Variants in GDPD5 observed in about 807,000 individuals in gnomAD.
GDPD5 encodes the protein glycerophosphodiester phosphodiesterase domain containing 5.
In GDPD5, 48 loss-of-function variants were observed where a neutral mutation model predicts 75.1. The observed-to-expected ratio is 0.64, with a 90% CI of 0.51 to 0.81. GDPD5 has a LOEUF of 0.81. GDPD5 is among the 40% of genes least tolerant of loss of function. The probability of loss-of-function intolerance (pLI) is 0.00; values close to 1 mark genes in which losing one functional copy is unlikely to be tolerated. For missense variants in GDPD5, 706 were observed against 822.6 expected (o/e 0.86, Z 1.73); for synonymous variants, 336 against 339.0 (o/e 0.99, Z 0.10).
chr11:75,449,098 G>T lies in GDPD5; in HGVS notation c.593C>A (p.Thr198Asn), dbSNP rs1352454129. 1 of 1,599,504 alleles carries T rather than the reference G, an allele frequency of 6.3e-7. No individual in the cohort carries two copies. Among genetic ancestry groups the T allele is most frequent in the Non-Finnish European group, 8.5e-7 (1 of 1,173,294 alleles). ...RTSSQVTILC[T>N]FFTVVFALYL... ...GAGGGCAAACACCACGGTGAAGAAG[G>T]TACAGAGAATGGTCACCTGGGAGGC... The change falls in exon 9 of 17, where the codon ACC becomes AAC. Residue 198 changes from threonine (T) to asparagine (N), a missense_variant. Transcript: ENST00000336898.
chr11:75,441,587 A>C (rs903330202), intron 13 of GDPD5, 59 bp downstream of exon 13: 76 of 1,447,168 alleles, frequency 5.3e-5, no homozygotes, highest in Non-Finnish European at 6.8e-5. Context: ...TGGTGGTGGC[A>C]GGACTGGGAG....
rs144690546 is a variant in GDPD5 at position 75,464,642 on chromosome 11, T to C, written c.118-1753A>G. On this transcript the variant is annotated intron_variant, in intron 3 of 16. Transcript: ENST00000336898. ...GCCTCACTTCGTACATAAACAGAGA[T>C]GCAAAGGTGACGACACCCTGAGGCC... 2.0e-5 allele frequency among the ~76,000 whole-genome samples: 3 copies of C among 152,252 alleles called. No homozygotes were observed. In the East Asian group the frequency reaches 5.8e-4, roughly 29 times the overall value.
At position 75,435,113 on chromosome 11, in the gene GDPD5, C is replaced by T. The variant is rs191032786; in HGVS notation, c.*394G>A. 3.7e-5 allele frequency: 6 copies of T among 161,994 alleles called. No individual in the cohort carries two copies. Among genetic ancestry groups the T allele is most frequent in the Admixed American group, 3.2e-4 (5 of 15,602 alleles). 10.0% of individuals were successfully genotyped at this position (161,994 alleles called of 1,614,324 possible). ...AGGATAACAGCAGAGAACTCAGGTGCCTCCTGGCACAGACAGGAGGACAGA... is the reference window on the plus strand; with the variant it reads ...AGGATAACAGCAGAGAACTCAGGTGTCTCCTGGCACAGACAGGAGGACAGA... On this transcript the variant is annotated 3_prime_UTR_variant, in exon 17 of 17. Transcript: ENST00000336898.
chr11:75,482,169 C>T (rs61897411), intron 2 of GDPD5, among the ~76,000 whole-genome samples: 8,190 of 152,216 alleles, frequency 0.054, 327 homozygotes, highest in East Asian at 0.13. Context: ...ATGGAAATTC[C>T]ACTTCAAACC....
At chr11:75,467,602 C>G (rs909960254) in intron 3 of GDPD5, among the ~76,000 whole-genome samples, 2 of 151,950 alleles carry the variant, frequency 1.3e-5, no homozygotes, top group African/African-American at 4.8e-5. Context: ...GGGGTAGGCA[C>G]CAGGAGGAGT....
intron 3 of GDPD5, among the ~76,000 whole-genome samples, chr11:75,470,326 C>T (rs940729186): frequency 1.3e-5 from 2 of 152,134 alleles, no homozygotes; most frequent in Non-Finnish European, 2.9e-5. Flanking sequence ...TCTTATATAT[C>T]ATTTGAATTA....
chr11:75,520,697 A>G (rs1391838241), intron 1 of GDPD5, among the ~76,000 whole-genome samples: 2 of 152,202 alleles, frequency 1.3e-5, no homozygotes, highest in Non-Finnish European at 2.9e-5. Context: ...GCTCTTTCCC[A>G]TGGTCACAGC....
Position 75,449,057 on chromosome 11 carries a change from T to A in GDPD5, c.634A>T (p.Thr212Ser). The A allele has an allele frequency of 6.2e-7, 1 of 1,603,984 alleles. No individual in the cohort carries two copies. The highest frequency in any genetic ancestry group is 2.3e-5 in the East Asian group (1 of 44,092). ...TCCATGATGCAGGGAGAGGAGATGGTGAGAGGGGCCAGGTAGAGGGCAAAC... is the reference window on the plus strand; with the variant it reads ...TCCATGATGCAGGGAGAGGAGATGGAGAGAGGGGCCAGGTAGAGGGCAAAC... ...VVFALYLAPL[T>S]ISSPCIMEKK... The change falls in exon 9 of 17, where the codon ACC becomes TCC. Residue 212 changes from threonine to serine, a missense_variant. Coordinates refer to ENST00000336898, the MANE Select transcript of GDPD5 (RefSeq NM_030792.8).
chr11:75,509,975 T>A (rs901815596), intron 1 of GDPD5, among the ~76,000 whole-genome samples: 1 of 152,232 alleles, frequency 6.6e-6, no homozygotes, highest in Non-Finnish European at 1.5e-5. Context: ...CTACCACACC[T>A]GGCTGCCCAT....
chr11:75,453,668 G>T (rs1949222864), intron 6 of GDPD5, among the ~76,000 whole-genome samples: 1 of 151,492 alleles, frequency 6.6e-6, no homozygotes, highest in Non-Finnish European at 1.5e-5. Flanking sequence ...TCTTTAGAGT[G>T]CTATGTTGCT....
chr11:75,452,077 A>T (rs1050727431), intron 6 of GDPD5: 4 of 152,232 alleles, frequency 2.6e-5, no homozygotes, highest in African/African-American at 9.6e-5. Flanking sequence ...TACAGGGGAT[A>T]CAACAGAGTC....
At position 75,436,997 on chromosome 11, in the gene GDPD5, A is replaced by C. The variant is rs1304032606; in HGVS notation, c.1608T>G (p.Ser536Arg). The stretch of plus-strand genomic sequence containing the variant: ...CCCGGCTGGTCCGGCGCACCGCAGC[A>C]CTCAGCATGATCTGCTCAGGGTTGT... The part of the protein sequence containing the change: ...RSYNPEQIML[S>R]AAVRRTSRDV... Residue 536 changes from serine to arginine, a missense_variant, in exon 16 of 17, where the codon AGT becomes AGG. Ser to Arg is a moderately radical substitution (Grantham distance 110). Transcript: ENST00000336898. 1 of 1,613,444 alleles carries C rather than the reference A, an allele frequency of 6.2e-7. No individual in the cohort carries two copies.
At chr11:75,441,543 CGTGTGTGTGTGTGT>C (rs34643232) in intron 13 of GDPD5, 89 bp downstream of exon 13, 39 of 952,834 alleles carry the variant, frequency 4.1e-5, no homozygotes, top group Non-Finnish European at 5.5e-5. Context: ...TCTGCCCGAC[CGTGTGTGTGTGTGT>C]GTGTGTGTGT....
chr11:75,466,259 C>A (rs1949513211), intron 3 of GDPD5, among the ~76,000 whole-genome samples: 1 of 152,088 alleles, frequency 6.6e-6, no homozygotes, highest in African/African-American at 2.4e-5. Flanking sequence ...CCACAGTGAG[C>A]CTGTAGATGG....
intron 2 of GDPD5, among the ~76,000 whole-genome samples, chr11:75,482,537 C>T (rs1028848527): frequency 6.6e-6 from 1 of 152,202 alleles, no homozygotes; most frequent in African/African-American, 2.4e-5. Flanking sequence ...GCCATCCCCA[C>T]AGCCACTCCC....
chr11:75,486,729 G>A (rs1348127228), intron 2 of GDPD5, among the ~76,000 whole-genome samples: 2 of 152,176 alleles, frequency 1.3e-5, no homozygotes, highest in Non-Finnish European at 2.9e-5. Context: ...CCTCCAGGAA[G>A]CCCTTCCTGA....
chr11:75,502,119 A>G (rs1166630859), intron 1 of GDPD5, among the ~76,000 whole-genome samples: 2 of 152,162 alleles, frequency 1.3e-5, no homozygotes, highest in Admixed American at 1.3e-4. Context: ...GATTAAGTAC[A>G]AACCCTACAC....
intron 4 of GDPD5, among the ~76,000 whole-genome samples, chr11:75,461,609 T>C (rs1949414639): frequency 6.6e-6 from 1 of 152,188 alleles, no homozygotes; most frequent in Non-Finnish European, 1.5e-5. Flanking sequence ...TGTGGTCTCC[T>C]AGGAAGCAGC....
At chr11:75,512,889 AAAAG>A (rs1400550968) in intron 1 of GDPD5, among the ~76,000 whole-genome samples, 3 of 152,234 alleles carry the variant, frequency 2.0e-5, no homozygotes, top group African/African-American at 7.2e-5. Flanking sequence ...TCTGTCTCAA[AAAAG>A]AAAGAAAGAA....
Sources: gnomAD v4.1 joint callset for allele counts (sites outside exome capture counted in the v4.1 genomes callset) on GRCh38, gnomAD v4.1.1 for gene constraint, MANE v1.5 for transcripts, NCBI Gene and HGNC (gene_info 2026-07-23, HGNC 2026-07-21) for gene names.